FRMD4A: variants seen among roughly 807,000 people sequenced by gnomAD.
FRMD4A encodes the protein FERM domain-containing protein 4A.
Under a neutral mutation model 129.1 loss-of-function variants are expected in FRMD4A, and 29 were observed. That is an observed-to-expected ratio of 0.22 (90% CI 0.17 to 0.31). The LOEUF (loss-of-function observed/expected upper bound fraction) is 0.31, where lower values mean the gene tolerates loss of function less well. Among genes scored for constraint, FRMD4A ranks in the 10% least tolerant of loss-of-function variants. The pLI is 1.00. For synonymous variants in FRMD4A, 634 were observed against 571.6 expected, an observed-to-expected ratio of 1.11 and a Z score of -1.56; for missense variants, 1,272 against 1,375.8, an observed-to-expected ratio of 0.92 and a Z score of 1.19.
At chr10:14,260,339 T>C (rs868650413) in intron 2 of FRMD4A, among the ~76,000 whole-genome samples, 5 of 152,290 alleles carry the variant, frequency 3.3e-5, no homozygotes, top group Non-Finnish European at 7.4e-5. Context: ...CAAGCAAAAC[T>C]ATCCAGCAGA....
intron 2 of FRMD4A, among the ~76,000 whole-genome samples, chr10:14,231,131 G>T (rs1258880697): frequency 6.6e-6 from 1 of 152,112 alleles, no homozygotes; most frequent in Non-Finnish European, 1.5e-5. Flanking sequence ...TCCTTTGGAT[G>T]TATATCCAGT....
chr10:14,055,010 A>G (rs1565215760), intron 2 of FRMD4A, among the ~76,000 whole-genome samples: 1 of 152,136 alleles, frequency 6.6e-6, no homozygotes, highest in Non-Finnish European at 1.5e-5. Flanking sequence ...TCCTTATAGC[A>G]GTGTGAGAAT....
chr10:14,230,944 T>C (rs556970870), intron 2 of FRMD4A, among the ~76,000 whole-genome samples: 1 of 152,340 alleles, frequency 6.6e-6, no homozygotes, highest in Non-Finnish European at 1.5e-5. Context: ...TGCATCCATG[T>C]TGCTGCAAAG....
chr10:13,801,228 A>G (rs1227624961), intron 4 of FRMD4A, among the ~76,000 whole-genome samples: 1 of 151,836 alleles, frequency 6.6e-6, no homozygotes, highest in African/African-American at 2.4e-5. Context: ...GCCTGACAAC[A>G]GAGTGGGGCC....
In FRMD4A at chr10:14,109,211, GAA is replaced by G. The variant is rs34937254; in HGVS notation, c.45+220845_45+220846del. The stretch of plus-strand genomic sequence containing the variant: ...ATACTGGTTGAATAAAAGCATCTCA[GAA>G]AAAAAAAAAAAAAGCCTCCAAAGAA... On this transcript the variant is annotated intron_variant, in intron 2 of 24. Transcript: ENST00000357447. 1.1e-3 allele frequency among the ~76,000 whole-genome samples: 127 copies of G among 114,274 alleles called. No homozygotes were observed. In the Middle Eastern group the frequency reaches 0.021, roughly 19 times the overall value. 75.0% of individuals were successfully genotyped at this position (114,274 alleles called of 152,430 possible).
intron 2 of FRMD4A, among the ~76,000 whole-genome samples, chr10:14,318,756 T>C (rs1846853010): frequency 6.6e-6 from 1 of 152,220 alleles, no homozygotes; most frequent in Non-Finnish European, 1.5e-5. Flanking sequence ...AGAATCAAGT[T>C]ACATAGAATG....
chr10:14,312,633 G>A (rs1201016381), intron 2 of FRMD4A, among the ~76,000 whole-genome samples: 1 of 152,118 alleles, frequency 6.6e-6, no homozygotes, highest in South Asian at 2.1e-4. Flanking sequence ...AATAAATTAT[G>A]AGTCATTCAT....
At chr10:13,838,570 G>A (rs2093913036) in intron 3 of FRMD4A, among the ~76,000 whole-genome samples, 1 of 151,464 alleles carries the variant, frequency 6.6e-6, no homozygotes, top group African/African-American at 2.4e-5. Flanking sequence ...TTGCCCCACT[G>A]CAACCTCTGC....
At chr10:14,119,002 G>T (rs576664605) in intron 2 of FRMD4A, among the ~76,000 whole-genome samples, 1 of 152,316 alleles carries the variant, frequency 6.6e-6, no homozygotes, top group African/African-American at 2.4e-5. Flanking sequence ...CTCCAGGGAT[G>T]AGCTAAGAAC....
At position 13,684,699 on chromosome 10, in the gene FRMD4A, G is replaced by A; in HGVS notation, c.1117+9199C>T. The A allele has an allele frequency of 3.0e-6, 3 of 985,312 alleles. No individual in the cohort carries two copies. The South Asian group carries it at 1.4e-4, about 46-fold the overall frequency. The allele number at this position is 985,312 out of a possible 1,614,324, so 61.0% of individuals were successfully genotyped here. On this transcript the variant is annotated intron_variant, in intron 15 of 24. Coordinates refer to ENST00000357447, the MANE Select transcript of FRMD4A (RefSeq NM_018027.5). ...AGCCACGCGTGGCTCATCTGTTTTTGACACAGAGGGGATATTGATGACCAG... is the reference window on the plus strand; with the variant it reads ...AGCCACGCGTGGCTCATCTGTTTTTAACACAGAGGGGATATTGATGACCAG...
intron 2 of FRMD4A, among the ~76,000 whole-genome samples, chr10:14,169,838 T>A (rs567753207): frequency 2.0e-5 from 3 of 152,208 alleles, no homozygotes; most frequent in African/African-American, 7.2e-5. Context: ...GGCATAATCA[T>A]GTGTGTGATA....
At chr10:13,681,547 CATAT>C (rs10606576) in intron 15 of FRMD4A, among the ~76,000 whole-genome samples, 1 of 151,770 alleles carries the variant, frequency 6.6e-6, no homozygotes, top group East Asian at 1.9e-4. Flanking sequence ...GTGAAAGGCA[CATAT>C]ATATATGTAT....
In FRMD4A at chr10:13,796,366, C is replaced by T. The variant is rs1588766571; in HGVS notation, c.299+130G>A. On this transcript the variant is annotated intron_variant, in intron 5 of 24. Coordinates refer to ENST00000357447, the MANE Select transcript of FRMD4A (RefSeq NM_018027.5). The stretch of plus-strand genomic sequence containing the variant: ...TCCATCTATGAGGCATGCAGCTCTA[C>T]TACAACCTTTATCCCTGGCAATGAA... 8 of 675,696 alleles carry T rather than the reference C, an allele frequency of 1.2e-5. No individual in the cohort carries two copies. In the East Asian group the frequency reaches 2.0e-4, roughly 17 times the overall value. The allele number at this position is 675,696 out of a possible 1,614,324, so 41.9% of individuals were successfully genotyped here.
chr10:13,890,614 C>A, intron 2 of FRMD4A: 1 of 985,388 alleles, frequency 1.0e-6, no homozygotes, highest in South Asian at 4.7e-5. Flanking sequence ...TTCAGAGCAA[C>A]CCCTTTCATC....
chr10:14,195,466 C>T (rs1488380296), intron 2 of FRMD4A, among the ~76,000 whole-genome samples: 1 of 151,700 alleles, frequency 6.6e-6, no homozygotes, highest in Non-Finnish European at 1.5e-5. Context: ...CAGAAAATAG[C>T]AGAGGGAACT....
chr10:13,809,659 G>T lies in FRMD4A; in HGVS notation c.206+1155C>A, dbSNP rs189550873. 3.9e-5 allele frequency among the ~76,000 whole-genome samples: 6 copies of T among 152,266 alleles called. No homozygotes were observed. In the East Asian group the frequency reaches 1.2e-3, roughly 29 times the overall value. On this transcript the variant is annotated intron_variant, in intron 4 of 24. Coordinates refer to ENST00000357447, the MANE Select transcript of FRMD4A (RefSeq NM_018027.5). ...TCCAGTTCCCTGCAGGCTCCAGGAC[G>T]AGGGGCCCACCTTGCTCCTCCCAGC... is the stretch of plus-strand genomic sequence containing the variant.
At chr10:14,116,549 T>G (rs942463868) in intron 2 of FRMD4A, among the ~76,000 whole-genome samples, 2 of 152,158 alleles carry the variant, frequency 1.3e-5, no homozygotes, top group African/African-American at 4.8e-5. Flanking sequence ...ACAGCTGAGA[T>G]GGCCATAGGG....
At chr10:13,856,638 A>C (rs1290176755) in intron 3 of FRMD4A, among the ~76,000 whole-genome samples, 1 of 152,162 alleles carries the variant, frequency 6.6e-6, no homozygotes, top group Non-Finnish European at 1.5e-5. Context: ...GGGTGTGGGA[A>C]GGAGCGTGTT....
chr10:13,926,286 T>A (rs2095132862), intron 2 of FRMD4A, among the ~76,000 whole-genome samples: 1 of 152,190 alleles, frequency 6.6e-6, no homozygotes, highest in Non-Finnish European at 1.5e-5. Flanking sequence ...TCACTGGGGT[T>A]ATTTGCAGCC....
Sources: gnomAD v4.1 joint callset for allele counts (sites outside exome capture counted in the v4.1 genomes callset) on GRCh38, gnomAD v4.1.1 for gene constraint, MANE v1.5 for transcripts, NCBI Gene and HGNC (gene_info 2026-07-23, HGNC 2026-07-21) for gene names.